GRID2: variants seen among roughly 807,000 people sequenced by gnomAD.
The protein encoded by GRID2 is glutamate ionotropic receptor delta type subunit 2, also known as glutamate receptor ionotropic, delta-2.
GRID2 carries 33 observed loss-of-function variants against 114.8 expected under a neutral mutation model. The observed-to-expected ratio is 0.29, with a 90% CI of 0.22 to 0.38. GRID2 has a LOEUF of 0.38. Ranked by LOEUF, GRID2 falls within the 10% of genes least tolerant of loss-of-function variation. The probability of loss-of-function intolerance (pLI) is 1.00; values close to 1 mark genes in which losing one functional copy is unlikely to be tolerated. For synonymous variants in GRID2, 505 were observed against 449.9 expected (o/e 1.12, Z -1.55); for missense variants, 1,184 against 1,257.7 (o/e 0.94, Z 0.89).
chr4:93,507,141 C>T (rs1279540904), intron 12 of GRID2, among the ~76,000 whole-genome samples: 3 of 152,194 alleles, frequency 2.0e-5, no homozygotes, highest in African/African-American at 4.8e-5. Context: ...CCTTCAGGCA[C>T]TAAAAATATC....
downstream of GRID2, among the ~76,000 whole-genome samples, chr4:93,774,934 G>A (rs1647744450): frequency 6.6e-6 from 1 of 151,858 alleles, no homozygotes; most frequent in Non-Finnish European, 1.5e-5. Flanking sequence ...AGAAAATTAA[G>A]GGTAATTATT....
chr4:92,712,632 A>G (rs958602098), intron 2 of GRID2, among the ~76,000 whole-genome samples: 2 of 152,192 alleles, frequency 1.3e-5, no homozygotes, highest in East Asian at 1.9e-4. Context: ...TTACCAATAC[A>G]TCTTTCAAAT....
At chr4:93,161,356 C>T (rs1374349927) in intron 4 of GRID2, among the ~76,000 whole-genome samples, 1 of 151,738 alleles carries the variant, frequency 6.6e-6, no homozygotes, top group African/African-American at 2.4e-5. Context: ...TTTCTGTGAC[C>T]TTTCTGAATT....
intron 1 of GRID2, among the ~76,000 whole-genome samples, chr4:92,334,031 C>A (rs1307224972): frequency 6.6e-6 from 1 of 152,138 alleles, no homozygotes; most frequent in South Asian, 2.1e-4. Flanking sequence ...TAGACTGGCT[C>A]CCACCAGGTA....
chr4:93,797,909 T>C (rs1042115237), intron 1 of GRID2, among the ~76,000 whole-genome samples: 2 of 150,004 alleles, frequency 1.3e-5, no homozygotes, highest in Non-Finnish European at 3.0e-5. Context: ...TCCCAGTACT[T>C]TGGGAGGCCG....
intron 12 of GRID2, among the ~76,000 whole-genome samples, chr4:93,504,602 T>C (rs1728447875): frequency 6.6e-6 from 1 of 152,058 alleles, no homozygotes. Flanking sequence ...AAAAACAAAC[T>C]GTATGCGTAT....
chr4:93,755,919 T>C (rs898741093), intron 14 of GRID2, among the ~76,000 whole-genome samples: 1 of 152,210 alleles, frequency 6.6e-6, no homozygotes, highest in Non-Finnish European at 1.5e-5. Context: ...ATTAACTTAT[T>C]ATGTTCACAA....
chr4:93,802,410 CAGAG>C (rs530154753), intron 1 of GRID2, among the ~76,000 whole-genome samples: 3,453 of 151,192 alleles, frequency 0.023, 47 homozygotes, highest in African/African-American at 0.034. Flanking sequence ...GTGTGTGTGA[CAGAG>C]AGAGAGAAAG....
chr4:92,758,731 G>A (rs1243609466), intron 2 of GRID2, among the ~76,000 whole-genome samples: 1 of 152,100 alleles, frequency 6.6e-6, no homozygotes, highest in Non-Finnish European at 1.5e-5. Context: ...CATCTTCATG[G>A]CTATGGGGGT....
intron 2 of GRID2, among the ~76,000 whole-genome samples, chr4:92,980,777 A>G (rs1304915295): frequency 6.6e-6 from 1 of 152,144 alleles, no homozygotes; most frequent in Non-Finnish European, 1.5e-5. Flanking sequence ...ATTGAAACTC[A>G]TTTCAAACAT....
In GRID2 at chr4:92,590,259, A is replaced by C. The variant is rs766779972; in HGVS notation, c.217A>C (p.Asn73His). The change falls in exon 2 of 16, where the codon AAC becomes CAC. Residue 73 changes from asparagine (N) to histidine (H), a missense_variant. Physicochemically the swap from Asn to His is moderately conservative, Grantham distance 68 (BLOSUM62 1). This residue lies in a region of GRID2 where 455 missense variants were observed against 429.5 expected (regional missense o/e 1.06). Transcript: ENST00000282020. ...ATTTTCAGTGACGTTTGTTGATGGC[A>C]ACAACCCTTTCCAAGCAGTTCAAGA... The part of the protein sequence containing the change: ...ITFSVTFVDG[N>H]NPFQAVQEAC... The C allele has an allele frequency of 3.1e-5, 50 of 1,613,620 alleles. No individual in the cohort carries two copies. In the East Asian group the frequency reaches 9.4e-4, roughly 30 times the overall value.
chr4:92,411,312 G>T (rs1280940305), intron 1 of GRID2, among the ~76,000 whole-genome samples: 2 of 152,026 alleles, frequency 1.3e-5, no homozygotes, highest in Non-Finnish European at 2.9e-5. Context: ...ACGGAGGCTT[G>T]TGAGACTGAC....
chr4:93,370,633 A>G (rs546462765), intron 8 of GRID2, among the ~76,000 whole-genome samples: 46 of 152,192 alleles, frequency 3.0e-4, no homozygotes, highest in Middle Eastern at 3.4e-3. Flanking sequence ...TTTCTGCTTT[A>G]AGGTTTTCTC....
intron 7 of GRID2, among the ~76,000 whole-genome samples, chr4:93,224,980 TAAGC>T (rs1745320112): frequency 6.6e-6 from 1 of 152,072 alleles, no homozygotes; most frequent in Non-Finnish European, 1.5e-5. Context: ...AAGGGAGTTT[TAAGC>T]AAGTAAAAAA....
rs1177753162 is a variant in GRID2, at chr4:93,528,748, AGAATGGGGGAAG to A, written c.2193+13341_2193+13352del. ...CAGCCCCCAGCAAAAGAAGCAAGTC[AGAATGGGGGAAG>A]GAAGTATGTATAGTTCAACAGAACA... On this transcript the variant is annotated intron_variant, in intron 13 of 15. Transcript: ENST00000282020. Among the ~76,000 whole-genome samples the A allele has an allele frequency of 2.0e-5, 3 of 152,308 alleles. No homozygotes were observed. The East Asian group carries it at 5.8e-4, about 29-fold the overall frequency.
intron 2 of GRID2, among the ~76,000 whole-genome samples, chr4:92,632,541 G>C (rs969037383): frequency 2.6e-5 from 4 of 152,102 alleles, no homozygotes; most frequent in African/African-American, 7.2e-5. Context: ...GCTGAGACAT[G>C]AGAATTACTT....
intron 13 of GRID2, among the ~76,000 whole-genome samples, chr4:93,558,801 C>A (rs1464229201): frequency 6.6e-6 from 1 of 152,046 alleles, no homozygotes; most frequent in Non-Finnish European, 1.5e-5. Flanking sequence ...AATTTCAGAC[C>A]AATATCCTAA....
At chr4:93,700,094 C>T (rs1479357390) in intron 14 of GRID2, among the ~76,000 whole-genome samples, 2 of 152,014 alleles carry the variant, frequency 1.3e-5, no homozygotes, top group African/African-American at 4.8e-5. Flanking sequence ...AAAAATTACC[C>T]AAAGATAGTT....
intron 14 of GRID2, among the ~76,000 whole-genome samples, chr4:93,631,786 G>A (rs929903291): frequency 2.0e-5 from 3 of 152,142 alleles, no homozygotes; most frequent in African/African-American, 4.8e-5. Context: ...CTGAGGAATC[G>A]CCACACTGTC....
Sources: allele counts gnomAD v4.1 joint callset (sites outside exome capture counted in the v4.1 genomes callset), GRCh38; gene constraint gnomAD v4.1.1; regional missense constraint gnomAD v4.1.1; transcripts MANE v1.5; gene names NCBI Gene and HGNC (gene_info 2026-07-23, HGNC 2026-07-21).